Variants in HMGCLL1 observed in about 807,000 individuals in gnomAD.
HMGCLL1 encodes 3-hydroxy-3-methylglutaryl-CoA lyase like 1.
In HMGCLL1, 36 loss-of-function variants were observed where a neutral mutation model predicts 39.1. The observed-to-expected ratio is 0.92, with a 90% confidence interval of 0.71 to 1.22. The LOEUF is 1.22. Ranked by LOEUF, HMGCLL1 falls within the 50% of genes most tolerant of loss-of-function variation. HMGCLL1 has a pLI of 0.00. For missense variants in HMGCLL1, 451 were observed against 416.5 expected (o/e 1.08, Z -0.72); for synonymous variants, 149 against 144.0 (o/e 1.03, Z -0.25).
the HMGCLL1 span, among the ~76,000 whole-genome samples, chr6:55,637,551 G>T: frequency 1.3e-5 from 2 of 152,186 alleles, no homozygotes; most frequent in South Asian, 4.1e-4. Context: ...TGGTGTATAA[G>T]CTCAATCCAA....
At chr6:55,482,010 TA>T (rs889869382) in intron 7 of HMGCLL1, among the ~76,000 whole-genome samples, 3 of 151,834 alleles carry the variant, frequency 2.0e-5, no homozygotes, top group Non-Finnish European at 4.4e-5. Flanking sequence ...ACAAATTTCC[TA>T]AAAAAAACAG....
intron 7 of HMGCLL1, among the ~76,000 whole-genome samples, chr6:55,453,401 G>A (rs747005546): frequency 2.3e-4 from 35 of 152,088 alleles, no homozygotes; most frequent in Non-Finnish European, 4.4e-4. Flanking sequence ...GGATGGTCTC[G>A]ATCTCCTGAC....
intron 1 of HMGCLL1, among the ~76,000 whole-genome samples, chr6:55,557,365 C>T (rs1250978406): frequency 6.6e-6 from 1 of 152,068 alleles, no homozygotes; most frequent in Non-Finnish European, 1.5e-5. Flanking sequence ...CTTCTGGTTG[C>T]CTGGCAGCGC....
At chr6:55,478,336 C>G (rs918626232) in intron 7 of HMGCLL1, among the ~76,000 whole-genome samples, 1 of 151,114 alleles carries the variant, frequency 6.6e-6, no homozygotes, top group South Asian at 2.1e-4. Context: ...TAAAGGCTTT[C>G]GAACAGAATT....
intron 7 of HMGCLL1, among the ~76,000 whole-genome samples, chr6:55,454,207 C>T (rs926755888): frequency 1.2e-4 from 18 of 152,146 alleles, no homozygotes; most frequent in African/African-American, 4.3e-4. Flanking sequence ...AGATAGGACA[C>T]AGTGATTCCT....
intron 7 of HMGCLL1, among the ~76,000 whole-genome samples, chr6:55,469,388 T>C (rs1764936857): frequency 1.4e-5 from 2 of 141,520 alleles, no homozygotes; most frequent in Admixed American, 1.4e-4. Context: ...TATATACACA[T>C]ATATACATAT....
chr6:55,614,087 T>C, the HMGCLL1 span, among the ~76,000 whole-genome samples: 1 of 152,164 alleles, frequency 6.6e-6, no homozygotes, highest in African/African-American at 2.4e-5. Context: ...ATATGATTTT[T>C]CTATTTGATT....
intron 5 of HMGCLL1, among the ~76,000 whole-genome samples, chr6:55,500,593 G>A (rs1241465066): frequency 6.6e-6 from 1 of 151,922 alleles, no homozygotes; most frequent in East Asian, 1.9e-4. Context: ...AGCCATTCAA[G>A]CAGTTATGAG....
intron 7 of HMGCLL1, among the ~76,000 whole-genome samples, chr6:55,482,633 A>C (rs1344344610): frequency 1.3e-5 from 2 of 152,120 alleles, no homozygotes; most frequent in Non-Finnish European, 2.9e-5. Flanking sequence ...TTGGTTACTG[A>C]AGCAAATGTT....
At chr6:55,647,732 TCTTTTTTTTTTC>T in the HMGCLL1 span, among the ~76,000 whole-genome samples, 1 of 111,290 alleles carries the variant, frequency 9.0e-6, no homozygotes, top group Admixed American at 8.3e-5. Context: ...TCTCTTCATG[TCTTTTTTTTTTC>T]CTTTTTTTTT....
intron 5 of HMGCLL1, among the ~76,000 whole-genome samples, chr6:55,501,875 C>T (rs540197219): frequency 5.3e-5 from 8 of 151,982 alleles, no homozygotes; most frequent in Admixed American, 4.0e-4. Flanking sequence ...CCGTATCTAA[C>T]TAATCTCAGG....
At chr6:55,519,133 T>A (rs1323287035) in intron 3 of HMGCLL1, among the ~76,000 whole-genome samples, 1 of 152,138 alleles carries the variant, frequency 6.6e-6, no homozygotes, top group Non-Finnish European at 1.5e-5. Flanking sequence ...AAGATTCTGA[T>A]TTATGCTGAA....
the HMGCLL1 span, among the ~76,000 whole-genome samples, chr6:55,671,907 A>G: frequency 2.0e-5 from 3 of 151,888 alleles, no homozygotes; most frequent in Non-Finnish European, 4.4e-5. Context: ...TTGGTTGAAA[A>G]AGATATAATA....
At chr6:55,511,521 C>CTTTT (rs1767456997) in intron 5 of HMGCLL1, among the ~76,000 whole-genome samples, 1 of 59,124 alleles carries the variant, frequency 1.7e-5, no homozygotes, top group African/African-American at 6.6e-5. Flanking sequence ...TTTTAGTGTG[C>CTTTT]TTTTATAAAA....
At chr6:55,528,782 A>G (rs1768468239) in intron 3 of HMGCLL1, among the ~76,000 whole-genome samples, 1 of 151,920 alleles carries the variant, frequency 6.6e-6, no homozygotes, top group Non-Finnish European at 1.5e-5. Flanking sequence ...CTTATTCAGC[A>G]TTACCTTTGT....
the HMGCLL1 span, among the ~76,000 whole-genome samples, chr6:55,656,542 T>G: frequency 6.6e-6 from 1 of 151,828 alleles, no homozygotes; most frequent in South Asian, 2.1e-4. Flanking sequence ...TATCTCTCTT[T>G]TCATCCATCT....
the HMGCLL1 span, among the ~76,000 whole-genome samples, chr6:55,651,997 C>T: frequency 4.6e-5 from 7 of 152,074 alleles, no homozygotes; most frequent in African/African-American, 1.7e-4. Context: ...TGATTCAAGG[C>T]TGTCTCTCCT....
chr6:55,567,240 T>C (rs1218485143), intron 1 of HMGCLL1, among the ~76,000 whole-genome samples: 2 of 151,920 alleles, frequency 1.3e-5, no homozygotes, highest in Admixed American at 1.3e-4. Flanking sequence ...GTCTTAATAC[T>C]TGTAAAAAGT....
At chr6:55,676,594 G>A in the HMGCLL1 span, among the ~76,000 whole-genome samples, 7 of 152,230 alleles carry the variant, frequency 4.6e-5, no homozygotes, top group Non-Finnish European at 8.8e-5. Context: ...CTTAATAATG[G>A]CAGTGGAGGG....
Sources: gnomAD v4.1 joint callset for allele counts (sites outside exome capture counted in the v4.1 genomes callset) on GRCh38, gnomAD v4.1.1 for gene constraint, MANE v1.5 for transcripts, NCBI Gene and HGNC (gene_info 2026-07-23, HGNC 2026-07-21) for gene names.